EPM2A: variants seen among roughly 807,000 people sequenced by gnomAD.
EPM2A encodes the protein laforin.
EPM2A carries 21 observed loss-of-function variants against 26.5 expected under a neutral mutation model. The ratio of observed to expected loss-of-function variants is 0.79; its 90% CI spans 0.56 to 1.14. The LOEUF (loss-of-function observed/expected upper bound fraction) is 1.14. Among genes scored for constraint, EPM2A ranks in the 50% most tolerant of loss-of-function variants. EPM2A has a pLI of 0.00. For missense variants in EPM2A, 458 were observed against 440.8 expected (o/e 1.04, Z -0.35); for synonymous variants, 217 against 177.6 (o/e 1.22, Z -1.76).
At position 145,626,121 on chromosome 6, in the gene EPM2A, T is replaced by C; in HGVS notation, c.*1295A>G. 9.7e-7 allele frequency: 1 copy of C among 1,029,896 alleles called. No individual in the cohort carries two copies. Among genetic ancestry groups the C allele is most frequent in the Non-Finnish European group, 1.2e-6 (1 of 857,666 alleles). The allele number at this position is 1,029,896 out of a possible 1,614,324, so 63.8% of individuals were successfully genotyped here. ...TCACCTTGCACATAGAGGCTCTCAA[T>C]TAAAAAAACACTTCTCTTTCTTCTA... On this transcript the variant is annotated 3_prime_UTR_variant, in exon 4 of 4. Transcript: ENST00000367519.
intron 1 of EPM2A, among the ~76,000 whole-genome samples, chr6:145,709,323 T>G (rs1183762867): frequency 1.3e-5 from 2 of 152,156 alleles, no homozygotes; most frequent in Non-Finnish European, 2.9e-5. Context: ...TTATCTTGAA[T>G]TGTAGCTCCC....
chr6:145,490,769 A>G, intron 4 of EPM2A: 1 of 562,556 alleles, frequency 1.8e-6, no homozygotes, highest in Non-Finnish European at 3.5e-6. Flanking sequence ...CACATGTGAC[A>G]ACTGACGTTC....
chr6:145,720,933 G>C (rs980595266), intron 1 of EPM2A: 1 of 152,192 alleles, frequency 6.6e-6, no homozygotes, highest in African/African-American at 2.4e-5. Flanking sequence ...CACCTAGGCA[G>C]GTGGATCACT....
intron 4 of EPM2A, among the ~76,000 whole-genome samples, chr6:145,413,948 T>A (rs1285112547): frequency 2.0e-5 from 3 of 152,160 alleles, no homozygotes; most frequent in African/African-American, 7.2e-5. Flanking sequence ...CCTCTCCTTC[T>A]CTAGATTGTC....
chr6:145,605,691 A>C (rs1035117803), intron 2 of EPM2A, among the ~76,000 whole-genome samples: 2 of 152,160 alleles, frequency 1.3e-5, no homozygotes, highest in African/African-American at 4.8e-5. Context: ...TCCAGATACA[A>C]AAAAGGAATG....
chr6:145,405,198 G>T (rs954870690), intron 4 of EPM2A, among the ~76,000 whole-genome samples: 1 of 151,812 alleles, frequency 6.6e-6, no homozygotes, highest in Non-Finnish European at 1.5e-5. Flanking sequence ...GAATTTGCAC[G>T]TTTAATCAAT....
chr6:145,654,447 G>A (rs1261479125), intron 2 of EPM2A, among the ~76,000 whole-genome samples: 1 of 152,094 alleles, frequency 6.6e-6, no homozygotes, highest in Admixed American at 6.5e-5. Context: ...ATCATTTCAG[G>A]ACTAGGCAGC....
intron 2 of EPM2A, among the ~76,000 whole-genome samples, chr6:145,593,395 A>AT (rs1053126617): frequency 1.3e-5 from 2 of 152,190 alleles, no homozygotes; most frequent in East Asian, 3.9e-4. Flanking sequence ...ATCAGTAAGG[A>AT]TTTTTTTGAT....
At chr6:145,389,394 G>A (rs147635463) in intron 4 of EPM2A, among the ~76,000 whole-genome samples, 117 of 152,094 alleles carry the variant, frequency 7.7e-4, no homozygotes, top group African/African-American at 2.6e-3. Flanking sequence ...GTTTCACCAT[G>A]TTGGCCAGGC....
intron 2 of EPM2A, among the ~76,000 whole-genome samples, chr6:145,613,077 G>A (rs183770693): frequency 7.2e-5 from 11 of 152,166 alleles, no homozygotes; most frequent in African/African-American, 2.7e-4. Flanking sequence ...CTCAAAATTG[G>A]AGTTAATCCT....
intron 2 of EPM2A, among the ~76,000 whole-genome samples, chr6:145,579,516 C>G (rs1168185501): frequency 6.6e-6 from 1 of 152,174 alleles, no homozygotes; most frequent in Non-Finnish European, 1.5e-5. Context: ...CTACCACTTA[C>G]TTTTACAGGT....
intron 2 of EPM2A, among the ~76,000 whole-genome samples, chr6:145,607,949 C>T (rs575495533): frequency 6.6e-6 from 1 of 152,266 alleles, no homozygotes; most frequent in African/African-American, 2.4e-5. Flanking sequence ...CATGTTACTG[C>T]CTTGCTGTTT....
chr6:145,641,844 T>C (rs994041197), intron 2 of EPM2A, among the ~76,000 whole-genome samples: 2 of 152,124 alleles, frequency 1.3e-5, no homozygotes, highest in African/African-American at 4.8e-5. Flanking sequence ...CGTGGGCCCC[T>C]TCTTGATCTA....
chr6:145,555,832 C>A (rs1456304583), intron 2 of EPM2A, among the ~76,000 whole-genome samples: 1 of 152,128 alleles, frequency 6.6e-6, no homozygotes, highest in Non-Finnish European at 1.5e-5. Flanking sequence ...ACTCCCCCCA[C>A]CTTCTGATTT....
chr6:145,526,326 TCTC>T (rs1780272918), intron 2 of EPM2A, among the ~76,000 whole-genome samples: 2 of 152,146 alleles, frequency 1.3e-5, no homozygotes, highest in Admixed American at 1.3e-4. Flanking sequence ...AAAAGTCTTT[TCTC>T]CTCAGTTTTT....
At chr6:145,733,086 T>G (rs1776583763) in intron 1 of EPM2A, among the ~76,000 whole-genome samples, 1 of 152,182 alleles carries the variant, frequency 6.6e-6, no homozygotes, top group South Asian at 2.1e-4. Flanking sequence ...AAGAAGGCAC[T>G]GTAACAATTA....
downstream of EPM2A, among the ~76,000 whole-genome samples, chr6:145,499,938 C>A (rs993204048): frequency 1.5e-5 from 2 of 136,482 alleles, no homozygotes; most frequent in Non-Finnish European, 3.3e-5. Context: ...GTGAAGGAGC[C>A]TGGTTGATGA....
At chr6:145,508,714 T>C (rs1346282078) in intron 2 of EPM2A, among the ~76,000 whole-genome samples, 1 of 152,216 alleles carries the variant, frequency 6.6e-6, no homozygotes, top group African/African-American at 2.4e-5. Context: ...CTCCAAAGGA[T>C]TGTACTAGCT....
At chr6:145,533,679 A>C (rs566011251) in intron 2 of EPM2A, among the ~76,000 whole-genome samples, 1 of 152,154 alleles carries the variant, frequency 6.6e-6, no homozygotes, top group South Asian at 2.1e-4. Flanking sequence ...TCTACTTCAT[A>C]TATCAGGTGT....
Sources: gnomAD v4.1 joint callset for allele counts (sites outside exome capture counted in the v4.1 genomes callset) on GRCh38, gnomAD v4.1.1 for gene constraint, MANE v1.5 for transcripts, NCBI Gene and HGNC (gene_info 2026-07-23, HGNC 2026-07-21) for gene names.